RAP1GDS1: variants seen among roughly 807,000 people sequenced by gnomAD.
RAP1GDS1 encodes Rap1 GTPase-GDP dissociation stimulator 1.
A neutral mutation model predicts 71.1 loss-of-function variants in RAP1GDS1; 35 were observed. The ratio of observed to expected loss-of-function variants is 0.49; its 90% CI spans 0.38 to 0.65. The LOEUF (loss-of-function observed/expected upper bound fraction) is 0.65, where lower values mean the gene tolerates loss of function less well. Ranked by LOEUF, RAP1GDS1 falls within the 30% of genes least tolerant of loss-of-function variation. RAP1GDS1 has a pLI of 0.00. For missense variants in RAP1GDS1, 663 were observed against 706.1 expected (o/e 0.94, Z 0.69); for synonymous variants, 229 against 243.1 (o/e 0.94, Z 0.54).
chr4:98,348,062 C>T (rs1287463586), intron 3 of RAP1GDS1, among the ~76,000 whole-genome samples: 2 of 152,108 alleles, frequency 1.3e-5, no homozygotes, highest in African/African-American at 4.8e-5. Flanking sequence ...GTGTGCTGCA[C>T]CCATTAACTC....
chr4:98,287,199 C>T lies in RAP1GDS1; in HGVS notation c.5-6209C>T, dbSNP rs192326434. 3.0e-3 allele frequency among the ~76,000 whole-genome samples: 450 copies of T among 152,114 alleles called. 1 individual carries two copies. The highest frequency in any genetic ancestry group is 5.6e-3 in the Non-Finnish European group (379 of 67,986). ...TTTTCAATCTAATAGTAGAACTATA[C>T]AAGTAGGGTTCTATGTACCTAGAAC... On this transcript the variant is annotated intron_variant, in intron 1 of 14. Transcript: ENST00000408927.
At chr4:98,294,794 T>C (rs1050868204) in intron 2 of RAP1GDS1, among the ~76,000 whole-genome samples, 3 of 152,092 alleles carry the variant, frequency 2.0e-5, no homozygotes, top group Non-Finnish European at 4.4e-5. Flanking sequence ...GTCTAGAAAC[T>C]AGGAAGAACC....
intron 6 of RAP1GDS1, among the ~76,000 whole-genome samples, chr4:98,403,455 C>CA (rs757286028): frequency 7.9e-5 from 12 of 151,398 alleles, no homozygotes; most frequent in South Asian, 6.2e-4. Context: ...TGCAGATAGA[C>CA]AGAGTGTTCA....
At chr4:98,332,887 G>A (rs1734195229) in intron 2 of RAP1GDS1, among the ~76,000 whole-genome samples, 1 of 152,056 alleles carries the variant, frequency 6.6e-6, no homozygotes, top group Non-Finnish European at 1.5e-5. Flanking sequence ...TCTAATTATA[G>A]CCAACTTGAT....
chr4:98,431,540 GC>G (rs1211600796), intron 12 of RAP1GDS1, among the ~76,000 whole-genome samples: 1 of 152,170 alleles, frequency 6.6e-6, no homozygotes, highest in East Asian at 1.9e-4. Flanking sequence ...GTTTCAGACT[GC>G]ATAAAGCATC....
At chr4:98,348,367 T>C (rs779463376) in intron 3 of RAP1GDS1, among the ~76,000 whole-genome samples, 20 of 152,218 alleles carry the variant, frequency 1.3e-4, no homozygotes, top group Non-Finnish European at 2.4e-4. Context: ...AGTCTATCAT[T>C]GATGGGCATT....
intron 2 of RAP1GDS1, among the ~76,000 whole-genome samples, chr4:98,303,118 A>G (rs1278446241): frequency 6.6e-6 from 1 of 152,168 alleles, no homozygotes; most frequent in Admixed American, 6.5e-5. Context: ...ACAGAATTCA[A>G]TAGTGGTGCA....
intron 2 of RAP1GDS1, among the ~76,000 whole-genome samples, chr4:98,326,126 T>C (rs1484234229): frequency 1.3e-5 from 2 of 150,990 alleles, no homozygotes; most frequent in Non-Finnish European, 3.0e-5. Flanking sequence ...TAAAGTGCTT[T>C]GGTTTGATAT....
intron 14 of RAP1GDS1, among the ~76,000 whole-genome samples, chr4:98,438,340 G>A (rs1751424031): frequency 6.6e-6 from 1 of 151,284 alleles, no homozygotes; most frequent in Non-Finnish European, 1.5e-5. Context: ...CACTCTTTTA[G>A]TTTCAATCTG....
intron 2 of RAP1GDS1, among the ~76,000 whole-genome samples, chr4:98,334,830 C>CTT (rs796454145): frequency 1.3e-3 from 164 of 130,546 alleles, no homozygotes; most frequent in African/African-American, 4.3e-3. Context: ...TCCTTTAATA[C>CTT]TTTTTTTTTT....
chr4:98,335,782 T>A (rs912646552), intron 2 of RAP1GDS1, among the ~76,000 whole-genome samples: 3 of 89,336 alleles, frequency 3.4e-5, no homozygotes, highest in African/African-American at 1.3e-4. Context: ...TTAAGTGACT[T>A]CTTACCTTTT....
chr4:98,442,661 CT>C lies in RAP1GDS1; in HGVS notation c.*547del. On this transcript the variant is annotated 3_prime_UTR_variant, in exon 15 of 15. Coordinates refer to ENST00000408927, the MANE Select transcript of RAP1GDS1 (RefSeq NM_001100427.2). ...TAAATAAAATTCCAATGCTCTTACT[CT>C]TTAACTTCTGGTTTCTCCTTTTTCC... 4.4e-6 allele frequency: 1 copy of C among 228,100 alleles called. No homozygotes were observed. The highest frequency in any genetic ancestry group is 8.7e-6 in the Non-Finnish European group (1 of 114,606). 14.1% of individuals were successfully genotyped at this position (228,100 alleles called of 1,614,324 possible).
chr4:98,381,256 A>G (rs1383489179), intron 5 of RAP1GDS1, among the ~76,000 whole-genome samples: 1 of 151,556 alleles, frequency 6.6e-6, no homozygotes, highest in Non-Finnish European at 1.5e-5. Context: ...CTTATCGAAT[A>G]AAAAAGACAT....
Position 98,395,317 on chromosome 4 carries a change from T to C in RAP1GDS1, c.637+3237T>C, listed in dbSNP as rs1443226102. Among the ~76,000 whole-genome samples, 10 of 152,196 alleles carry C rather than the reference T, an allele frequency of 6.6e-5. No individual in the cohort carries two copies. In the South Asian group the frequency reaches 1.0e-3, roughly 16 times the overall value. ...TAAAAGTCATTAGGCAATTAAAAAT[T>C]TTAATGGATATGTCAGAAATTCTCA... On this transcript the variant is annotated intron_variant, in intron 6 of 14. Coordinates refer to ENST00000408927, the MANE Select transcript of RAP1GDS1 (RefSeq NM_001100427.2).
chr4:98,419,820 C>G (rs889261031), intron 10 of RAP1GDS1, among the ~76,000 whole-genome samples, 199 bp from the exon 11 acceptor site: 2 of 152,116 alleles, frequency 1.3e-5, no homozygotes, highest in Non-Finnish European at 2.9e-5. Flanking sequence ...CTGTTATCCG[C>G]TTATACACAA....
intron 2 of RAP1GDS1, 144 bp from the exon 3 acceptor site, chr4:98,342,995 G>C: frequency 1.3e-6 from 1 of 766,870 alleles, no homozygotes; most frequent in Non-Finnish European, 2.0e-6. Context: ...AGGTAATTTT[G>C]TATAAAGACA....
intron 4 of RAP1GDS1, among the ~76,000 whole-genome samples, chr4:98,354,473 A>G (rs1477762955): frequency 6.6e-6 from 1 of 152,178 alleles, no homozygotes; most frequent in Non-Finnish European, 1.5e-5. Flanking sequence ...TTTTCCTATT[A>G]ATAAAATAGA....
intron 1 of RAP1GDS1, among the ~76,000 whole-genome samples, chr4:98,264,270 C>T (rs1431154415): frequency 6.6e-6 from 1 of 152,084 alleles, no homozygotes; most frequent in African/African-American, 2.4e-5. Context: ...GTGGCGGGCG[C>T]CTGTAATCCC....
chr4:98,437,749 C>T (rs1056641442), intron 14 of RAP1GDS1, among the ~76,000 whole-genome samples: 1 of 151,416 alleles, frequency 6.6e-6, no homozygotes, highest in African/African-American at 2.4e-5. Flanking sequence ...AGAGATTGTG[C>T]CACTGTACTT....
Sources: gnomAD v4.1 joint callset for allele counts (sites outside exome capture counted in the v4.1 genomes callset) on GRCh38, gnomAD v4.1.1 for gene constraint, MANE v1.5 for transcripts, NCBI Gene and HGNC (gene_info 2026-07-23, HGNC 2026-07-21) for gene names.